Variants in HSPE1 observed in about 807,000 individuals in gnomAD.
HSPE1 encodes 10 kDa heat shock protein, mitochondrial.
A neutral mutation model predicts 13.2 loss-of-function variants in HSPE1; 1 was observed. The observed-to-expected ratio is 0.08, with a 90% CI of 0.03 to 0.36. The LOEUF is 0.36. Among genes scored for constraint, HSPE1 ranks in the 10% least tolerant of loss-of-function variants. The probability of loss-of-function intolerance (pLI) is 0.99; values close to 1 mark genes in which losing one functional copy is unlikely to be tolerated. For missense variants in HSPE1, 73 were observed against 118.7 expected (o/e 0.62, Z 1.79); for synonymous variants, 44 against 42.0 (o/e 1.05, Z -0.19).
chr2:197,501,855 CAA>C (rs1302217254), intron 2 of HSPE1, among the ~76,000 whole-genome samples: 3 of 151,266 alleles, frequency 2.0e-5, no homozygotes, highest in East Asian at 1.9e-4. Context: ...TTTAATAAGA[CAA>C]AAGAGGCTGT....
Position 197,501,234 on chromosome 2 carries a change from G to A in HSPE1, c.164G>A (p.Gly55Glu). Reference sequence around the variant, plus strand: ...GTCGCTGTTGGATCGGGTTCTAAAGGAAAGGTAAATGGGAGCTGCAGTGGA... The same window carrying A: ...GTCGCTGTTGGATCGGGTTCTAAAGAAAAGGTAAATGGGAGCTGCAGTGGA... ...TVVAVGSGSK[G>E]KGGEIQPVSV... is the part of the protein sequence containing the mutation. The change falls in exon 2 of 4, where the codon GGA (glycine) becomes GAA (glutamate). Residue 55 changes from glycine (G) to glutamate (E), a missense_variant. Transcript: ENST00000233893. The A allele has an allele frequency of 3.1e-6, 5 of 1,610,890 alleles. No homozygotes were observed. The highest frequency in any genetic ancestry group is 4.2e-6 in the Non-Finnish European group (5 of 1,178,116).
At chr2:197,501,445 A>C in intron 2 of HSPE1, 1 of 562,628 alleles carries the variant, frequency 1.8e-6, no homozygotes, top group East Asian at 3.4e-5. Flanking sequence ...TGCTTATTTT[A>C]TGTGATAGTT....
At chr2:197,501,772 A>AAC (rs2086259627) in intron 2 of HSPE1, among the ~76,000 whole-genome samples, 1 of 151,764 alleles carries the variant, frequency 6.6e-6, no homozygotes, top group Non-Finnish European at 1.5e-5. Flanking sequence ...TGTCTCAAAA[A>AAC]AAAAAAAAAA....
rs142886549 is a variant in HSPE1 at position 197,501,306 on chromosome 2, G to A, written c.168+68G>A. On this transcript the variant is annotated intron_variant, in intron 2 of 3. Coordinates refer to ENST00000233893, the MANE Select transcript of HSPE1 (RefSeq NM_002157.3). ...TGGAGGGAAAAGAAGTAATTCTGGA[G>A]TATTAAAAGTCGCTTATTAAGTAGA... 2.4e-3 allele frequency: 3,478 copies of A among 1,478,672 alleles called. 16 individuals carry two copies. Among genetic ancestry groups the A allele is most frequent in the Non-Finnish European group, 3.0e-3 (3,283 of 1,108,736 alleles). 91.6% of individuals were successfully genotyped at this position (1,478,672 alleles called of 1,614,324 possible). A position where few individuals can be genotyped will look rare whatever the true frequency, so the allele number is the denominator to read the frequency against.
intron 1 of HSPE1, 183 bp from the exon 2 acceptor site, chr2:197,500,891 G>A (rs773428172): frequency 2.2e-4 from 157 of 714,972 alleles, no homozygotes; most frequent in Non-Finnish European, 6.6e-5. Flanking sequence ...ACAGACGTAA[G>A]GAATCGGGAA....
In HSPE1 at chr2:197,503,419, T is replaced by A. The variant is rs1157880490; in HGVS notation, c.*160T>A. The A allele has an allele frequency of 1.0e-5, 5 of 477,924 alleles. No individual in the cohort carries two copies. Among genetic ancestry groups the A allele is most frequent in the African/African-American group, 3.9e-5 (2 of 51,360 alleles). The allele number at this position is 477,924 out of a possible 1,614,324, so 29.6% of individuals were successfully genotyped here. The stretch of plus-strand genomic sequence containing the variant: ...CCAAAATTGTTTCCTTGTACTGATA[T>A]AAACACTTCCAAATAAAAATATGTA... On this transcript the variant is annotated 3_prime_UTR_variant, in exon 4 of 4. Coordinates refer to ENST00000233893, the MANE Select transcript of HSPE1 (RefSeq NM_002157.3).
chr2:197,502,947 C>A lies in HSPE1; in HGVS notation c.169-92C>A, dbSNP rs775460097. ...TTTTAATATAATTGGATTTGAGTGA[C>A]CATGTTTCATTAGTTGTAGTGATTT... On this transcript the variant is annotated intron_variant, in intron 2 of 3. Coordinates refer to ENST00000233893, the MANE Select transcript of HSPE1 (RefSeq NM_002157.3). The A allele has an allele frequency of 7.1e-4, 502 of 702,486 alleles. 2 individuals are homozygous for A. Among genetic ancestry groups the A allele is most frequent in the Non-Finnish European group, 1.1e-3 (456 of 400,686 alleles). The allele number at this position is 702,486 out of a possible 1,614,324, so 43.5% of individuals were successfully genotyped here.
intron 1 of HSPE1, 128 bp downstream of exon 1, chr2:197,500,567 G>C: frequency 7.0e-7 from 1 of 1,420,400 alleles, no homozygotes; most frequent in Non-Finnish European, 9.7e-7. Context: ...AGCGCCCGAT[G>C]GCACCTTGGA....
chr2:197,501,341 G>C, intron 2 of HSPE1, 103 bp downstream of exon 2: 1 of 1,293,684 alleles, frequency 7.7e-7, no homozygotes, highest in Non-Finnish European at 1.0e-6. Flanking sequence ...AGTTTATGTC[G>C]TTTTCAAGAT....
chr2:197,501,486 C>G, intron 2 of HSPE1: 3 of 365,528 alleles, frequency 8.2e-6, no homozygotes, highest in Non-Finnish European at 1.5e-5. Context: ...CTCAATAGGC[C>G]GGGTGCGGTG....
intron 2 of HSPE1, 65 bp downstream of exon 2, chr2:197,501,303 G>C: frequency 6.7e-7 from 1 of 1,495,934 alleles, no homozygotes; most frequent in East Asian, 2.5e-5. Context: ...AAGTAATTCT[G>C]GAGTATTAAA....
At chr2:197,502,312 T>C (rs2086266820) in intron 2 of HSPE1, among the ~76,000 whole-genome samples, 1 of 152,248 alleles carries the variant, frequency 6.6e-6, no homozygotes. Context: ...AACACAGTTC[T>C]TCCAGTGTGG....
At chr2:197,501,800 A>G (rs1032276261) in intron 2 of HSPE1, among the ~76,000 whole-genome samples, 2 of 151,672 alleles carry the variant, frequency 1.3e-5, no homozygotes, top group Admixed American at 6.6e-5. Context: ...CTCAATAGCA[A>G]TTTGGTAGCC....
Position 197,501,205 on chromosome 2 carries a change from A to G in HSPE1, c.135A>G (p.Thr45=), listed in dbSNP as rs1267447868. The stretch of plus-strand genomic sequence containing the variant: ...CTCAAGGAAAAGTATTGCAAGCAAC[A>G]GTAGTCGCTGTTGGATCGGGTTCTA... ...EKSQGKVLQA[T]VVAVGSGSKG... is the part of the protein sequence containing the mutation. The change falls in exon 2 of 4, where the codon ACA becomes ACG. Residue 45 remains threonine, a synonymous_variant. Transcript: ENST00000233893. 4 of 1,613,724 alleles carry G rather than the reference A, an allele frequency of 2.5e-6. No individual in the cohort carries two copies. Among genetic ancestry groups the G allele is most frequent in the Non-Finnish European group, 3.4e-6 (4 of 1,179,760 alleles).
chr2:197,503,282 A>G lies in HSPE1; in HGVS notation c.*23A>G. The G allele has an allele frequency of 6.7e-7, 1 of 1,482,518 alleles. No individual in the cohort carries two copies. The allele number at this position is 1,482,518 out of a possible 1,614,324, so 91.8% of individuals were successfully genotyped here. On this transcript the variant is annotated 3_prime_UTR_variant, in exon 4 of 4. Coordinates refer to ENST00000233893, the MANE Select transcript of HSPE1 (RefSeq NM_002157.3). ...TGAAATAAGTCACTATTGAAATGGC[A>G]TCAACATGATGCTGCCCATTCCACT...
chr2:197,503,022 ATCCT>A lies in HSPE1; in HGVS notation c.169-11_169-8del. The A allele has an allele frequency of 3.4e-6, 5 of 1,461,982 alleles. No individual in the cohort carries two copies. The highest frequency in any genetic ancestry group is 4.8e-6 in the Non-Finnish European group (5 of 1,052,626). 90.6% of individuals were successfully genotyped at this position (1,461,982 alleles called of 1,614,324 possible). A position where few individuals can be genotyped will look rare whatever the true frequency, so the allele number is the denominator to read the frequency against. ...GAACTAGATATCTTTGCTAATAAAC[ATCCT>A]TCCTTTTTTAAGGGTGGAGAGATTC... On this transcript the variant is annotated splice_polypyrimidine_tract_variant and intron_variant, in intron 2 of 3. Coordinates refer to ENST00000233893, the MANE Select transcript of HSPE1 (RefSeq NM_002157.3).
chr2:197,500,504 A>C, intron 1 of HSPE1, 65 bp downstream of exon 1: 1 of 637,972 alleles, frequency 1.6e-6, no homozygotes, highest in Non-Finnish European at 2.6e-6. Flanking sequence ...GGGATCCCTG[A>C]CGCCCCTCTT....
rs764198783 is a variant in HSPE1 at position 197,503,065 on chromosome 2, G to A, written c.195G>A (p.Val65=). 1 of 1,606,100 alleles carries A rather than the reference G, an allele frequency of 6.2e-7. No individual in the cohort carries two copies. Among genetic ancestry groups the A allele is most frequent in the African/African-American group, 1.3e-5 (1 of 74,970 alleles). ...GKGGEIQPVS[V]KVGDKVLLPE... ...GTGGAGAGATTCAACCAGTTAGCGT[G>A]AAAGTTGGAGATAAAGTTCTTCTCC... The change falls in exon 3 of 4, where the codon GTG becomes GTA. Residue 65 remains valine (V), a synonymous_variant. Coordinates refer to ENST00000233893, the MANE Select transcript of HSPE1 (RefSeq NM_002157.3).
intron 1 of HSPE1, chr2:197,500,802 A>C: frequency 1.7e-6 from 1 of 582,042 alleles, no homozygotes; most frequent in Non-Finnish European, 3.0e-6. Context: ...GAAGAAGGAA[A>C]ACATTTGACC....
Sources: allele counts gnomAD v4.1 joint callset (sites outside exome capture counted in the v4.1 genomes callset), GRCh38; gene constraint gnomAD v4.1.1; transcripts MANE v1.5; gene names NCBI Gene and HGNC (gene_info 2026-07-23, HGNC 2026-07-21).